The following HELZ variants were observed in gnomAD, a reference collection of about 807,000 sequenced individuals.
HELZ encodes helicase with zinc finger.
In HELZ, 23 loss-of-function variants were observed where a neutral mutation model predicts 218.2. That is an observed-to-expected ratio of 0.11 (90% CI 0.08 to 0.15). The LOEUF (loss-of-function observed/expected upper bound fraction) is 0.15. Among genes scored for constraint, HELZ ranks in the 10% least tolerant of loss-of-function variants. The pLI is 1.00. For missense variants in HELZ, 1,813 were observed against 2,353.7 expected (o/e 0.77, Z 4.75); for synonymous variants, 814 against 829.4 (o/e 0.98, Z 0.32).
chr17:67,122,951 AT>A lies in HELZ; in HGVS notation c.3630+18del. ...TATTTTACTTGATTCAATAGAAAGTATTTCGAATGTCCACTTACAGGTAAAG... is the reference window on the plus strand; with the variant it reads ...TATTTTACTTGATTCAATAGAAAGTATTCGAATGTCCACTTACAGGTAAAG... On this transcript the variant is annotated intron_variant, in intron 26 of 32. Coordinates refer to ENST00000358691, the MANE Select transcript of HELZ (RefSeq NM_014877.4). 6.5e-7 allele frequency: 1 copy of A among 1,549,294 alleles called. No individual in the cohort carries two copies. Among genetic ancestry groups the A allele is most frequent in the Non-Finnish European group, 8.9e-7 (1 of 1,126,490 alleles).
intron 15 of HELZ, among the ~76,000 whole-genome samples, chr17:67,164,051 A>G (rs898031824): frequency 6.6e-6 from 1 of 152,242 alleles, no homozygotes; most frequent in Non-Finnish European, 1.5e-5. Flanking sequence ...ATGGCCTTAC[A>G]ATTGAAACTT....
chr17:67,229,898 G>C (rs1184440351), intron 3 of HELZ, among the ~76,000 whole-genome samples: 2 of 152,192 alleles, frequency 1.3e-5, no homozygotes, highest in African/African-American at 4.8e-5. Context: ...TAAGCCTACA[G>C]AGAAGAAAAC....
chr17:67,088,122 G>T (rs774269000), intron 31 of HELZ, among the ~76,000 whole-genome samples: 2 of 152,220 alleles, frequency 1.3e-5, no homozygotes, highest in Non-Finnish European at 2.9e-5. Context: ...TGGCACACAG[G>T]AAGGGTTCAT....
At chr17:67,210,951 G>A (rs1298118244) in intron 5 of HELZ, among the ~76,000 whole-genome samples, 7 of 152,048 alleles carry the variant, frequency 4.6e-5, no homozygotes, top group South Asian at 2.1e-4. Context: ...ATGACTATTC[G>A]AAAGGCAAAA....
chr17:67,215,833 CAAA>C, intron 5 of HELZ, 63 bp downstream of exon 5: 1 of 855,168 alleles, frequency 1.2e-6, no homozygotes, highest in Non-Finnish European at 1.8e-6. Context: ...TGAAATTAGC[CAAA>C]AAAAAAAATC....
rs1350404002 is a variant in HELZ at position 67,077,497 on chromosome 17, AAC to A, written c.*753_*754del. On this transcript the variant is annotated 3_prime_UTR_variant, in exon 33 of 33. Transcript: ENST00000358691. ...GCTTCTTGATTTGTTTAAAAAAAAA[AAC>A]ACACACTATCAAATTAACATTAAAA... 2.6e-5 allele frequency: 4 copies of A among 152,250 alleles called. No individual in the cohort carries two copies. Among genetic ancestry groups the A allele is most frequent in the South Asian group, 2.1e-4 (1 of 4,830 alleles). 9.4% of individuals were successfully genotyped at this position (152,250 alleles called of 1,614,324 possible). A position where few individuals can be genotyped will look rare whatever the true frequency, so the allele number is the denominator to read the frequency against.
intron 3 of HELZ, among the ~76,000 whole-genome samples, chr17:67,223,173 T>C (rs1331888285): frequency 6.7e-6 from 1 of 150,072 alleles, no homozygotes; most frequent in Non-Finnish European, 1.5e-5. Context: ...GGAAGGAGAA[T>C]GGCATGAACC....
rs552252018 is a variant in HELZ, at chr17:67,073,814, G to A, written c.*4438C>T. On this transcript the variant is annotated 3_prime_UTR_variant, in exon 33 of 33. Transcript: ENST00000358691. The stretch of plus-strand genomic sequence containing the variant: ...TTGCAACAATGGTCTTGACATTACT[G>A]ATTAAAAAGGTATGAAAGTAGAAAG... The A allele has an allele frequency of 6.6e-6, 1 of 152,292 alleles. No individual in the cohort carries two copies. Among genetic ancestry groups the A allele is most frequent in the South Asian group, 2.1e-4 (1 of 4,826 alleles). 9.4% of individuals were successfully genotyped at this position (152,292 alleles called of 1,614,324 possible).
intron 21 of HELZ, among the ~76,000 whole-genome samples, chr17:67,143,331 G>A (rs545462587): frequency 4.6e-4 from 70 of 152,138 alleles, no homozygotes; most frequent in African/African-American, 1.5e-3. Flanking sequence ...ACCTTGGCCC[G>A]GTGTGGCTGC....
rs762151508 is a variant in HELZ at position 67,114,391 on chromosome 17, G to A, written c.3851C>T (p.Thr1284Ile). ...HEQNRNGKSD[T>I]NNSGPEINKI... ...ATTAATTTCAGGTCCGGAATTATTTGTATCACTTTTACCTAAGAAAATATT... is the reference window on the plus strand; with the variant it reads ...ATTAATTTCAGGTCCGGAATTATTTATATCACTTTTACCTAAGAAAATATT... Residue 1284 changes from threonine to isoleucine, a missense_variant, in exon 28 of 33, where the codon ACA becomes ATA. Transcript: ENST00000358691. The A allele has an allele frequency of 6.2e-7, 1 of 1,604,438 alleles. No individual in the cohort carries two copies. The highest frequency in any genetic ancestry group is 1.7e-5 in the Admixed American group (1 of 59,968).
chr17:67,237,565 T>G (rs1244358253), intron 3 of HELZ, among the ~76,000 whole-genome samples: 1 of 151,252 alleles, frequency 6.6e-6, no homozygotes, highest in East Asian at 1.9e-4. Context: ...GTAGATAGAT[T>G]TTTTTTTTAA....
At chr17:67,240,100 AC>A (rs1350415714) in intron 2 of HELZ, among the ~76,000 whole-genome samples, 1 of 152,248 alleles carries the variant, frequency 6.6e-6, no homozygotes, top group Non-Finnish European at 1.5e-5. Context: ...TCAAAACTTT[AC>A]CAACCTGACT....
At chr17:67,085,767 G>A (rs1049670882) in intron 32 of HELZ, among the ~76,000 whole-genome samples, 1 of 152,080 alleles carries the variant, frequency 6.6e-6, no homozygotes, top group Middle Eastern at 3.2e-3. Context: ...AGCATACAAA[G>A]AGAAGGAATT....
intron 13 of HELZ, among the ~76,000 whole-genome samples, chr17:67,172,245 A>G (rs778237833): frequency 6.6e-6 from 1 of 152,070 alleles, no homozygotes; most frequent in Non-Finnish European, 1.5e-5. Context: ...CCTTTTCTCC[A>G]CTAAGATGAG....
Position 67,188,953 on chromosome 17 carries a change from G to C in HELZ, c.865-337C>G, listed in dbSNP as rs2039828295. 6.6e-6 allele frequency among the ~76,000 whole-genome samples: 1 copy of C among 152,080 alleles called. No individual in the cohort carries two copies. The highest frequency in any genetic ancestry group is 2.4e-5 in the African/African-American group (1 of 41,410). On this transcript the variant is annotated intron_variant, in intron 11 of 32. Transcript: ENST00000358691. The surrounding 1 kb of genome is among the most constrained non-coding windows in gnomAD (Gnocchi z 4.1). ...CCTCAAGTAGGAAGCCTTCGTAAGA[G>C]GGCAGTTACCTCTGAAAGCACTGGA...
upstream of HELZ, chr17:67,245,295 G>T (rs1567926371): frequency 1.1e-5 from 10 of 883,634 alleles, no homozygotes; most frequent in Non-Finnish European, 1.3e-5. Context: ...CGCGCCTCCC[G>T]CCCGGAAAGT....
Position 67,207,211 on chromosome 17 carries a change from CTTTTTTTTTTTTT to C in HELZ, c.248-3781_248-3769del, listed in dbSNP as rs61019173. ...ACAGGCATGAGCCACCACGCCCGGC[CTTTTTTTTTTTTT>C]TTTTTTTTTTTTTTGAGATGGAGTC... On this transcript the variant is annotated intron_variant, in intron 5 of 32. Transcript: ENST00000358691. Among the ~76,000 whole-genome samples the C allele has an allele frequency of 1.6e-4, 12 of 75,550 alleles. No homozygotes were observed. The Admixed American group carries it at 1.7e-3, about 11-fold the overall frequency. 49.6% of individuals were successfully genotyped at this position (75,550 alleles called of 152,430 possible).
At chr17:67,199,122 A>G (rs1470328768) in intron 7 of HELZ, among the ~76,000 whole-genome samples, 1 of 152,120 alleles carries the variant, frequency 6.6e-6, no homozygotes, top group African/African-American at 2.4e-5. Context: ...TAAAACATCT[A>G]CAACTGCCTT....
At position 67,108,717 on chromosome 17, in the gene HELZ, T is replaced by G; in HGVS notation, c.4499A>C (p.His1500Pro). The G allele has an allele frequency of 6.3e-7, 1 of 1,584,148 alleles. No homozygotes were observed. The highest frequency in any genetic ancestry group is 8.6e-7 in the Non-Finnish European group (1 of 1,162,042). ...LPIGEALDRI[H>P]GSVALETLRQ... ...TAATGTTTCCAGAGCGACACTCCCA[T>G]GTATACGATCTGCAAAAATATTTGT... The change falls in exon 30 of 33, where the codon CAT becomes CCT. Residue 1500 changes from histidine to proline, a missense_variant. Around this residue, in one of 4 missense-constraint regions of HELZ, gnomAD observed 938 missense variants for 1,027.5 expected, o/e 0.91. Coordinates refer to ENST00000358691, the MANE Select transcript of HELZ (RefSeq NM_014877.4). This position sits in a 1 kb window ranked among gnomAD's most constrained non-coding sequence, Gnocchi z 4.1.
Sources: allele counts gnomAD v4.1 joint callset (sites outside exome capture counted in the v4.1 genomes callset), GRCh38; gene constraint gnomAD v4.1.1; regional missense constraint gnomAD v4.1.1; non-coding constraint Gnocchi (gnomAD v3.1); transcripts MANE v1.5; gene names NCBI Gene and HGNC (gene_info 2026-07-23, HGNC 2026-07-21).